The following DIAPH3 variants were observed in gnomAD, a reference collection of about 807,000 sequenced individuals.
DIAPH3 encodes diaphanous related formin 3, also known as protein diaphanous homolog 3.
DIAPH3 carries 117 observed loss-of-function variants against 144.3 expected under a neutral mutation model. The ratio of observed to expected loss-of-function variants is 0.81; its 90% CI spans 0.70 to 0.95. The LOEUF (loss-of-function observed/expected upper bound fraction) is 0.95. Ranked by LOEUF, DIAPH3 falls within the 40% of genes least tolerant of loss-of-function variation. The probability of loss-of-function intolerance (pLI) is 0.00; values close to 1 mark genes in which losing one functional copy is unlikely to be tolerated. For synonymous variants in DIAPH3, 519 were observed against 488.9 expected, an observed-to-expected ratio of 1.06 and a Z score of -0.81; for missense variants, 1,421 against 1,412.7, an observed-to-expected ratio of 1.01 and a Z score of -0.09.
intron 1 of DIAPH3, among the ~76,000 whole-genome samples, chr13:60,155,249 G>A (rs1340892097): frequency 2.0e-5 from 3 of 152,236 alleles, no homozygotes; most frequent in Admixed American, 6.5e-5. Context: ...CATAATTAAA[G>A]ACATGAGTCT....
chr13:59,856,845 A>G (rs985156566), intron 22 of DIAPH3, among the ~76,000 whole-genome samples: 3 of 152,014 alleles, frequency 2.0e-5, no homozygotes, highest in African/African-American at 7.3e-5. Context: ...TATCATAAAT[A>G]TTTCCACCAC....
At chr13:59,904,660 T>C (rs1269938532) in intron 20 of DIAPH3, among the ~76,000 whole-genome samples, 2 of 152,160 alleles carry the variant, frequency 1.3e-5, no homozygotes, top group African/African-American at 4.8e-5. Flanking sequence ...AAAAATCACA[T>C]CTCTATCGTT....
chr13:59,787,964 T>A (rs2039123930), intron 25 of DIAPH3, among the ~76,000 whole-genome samples: 1 of 152,224 alleles, frequency 6.6e-6, no homozygotes, highest in African/African-American at 2.4e-5. Context: ...GAACACTGAA[T>A]CTGCTGGCAT....
chr13:59,698,986 C>T (rs1441445434), intron 27 of DIAPH3, among the ~76,000 whole-genome samples: 1 of 152,092 alleles, frequency 6.6e-6, no homozygotes, highest in African/African-American at 2.4e-5. Context: ...CTTTAATACC[C>T]AATTATTAAT....
intron 27 of DIAPH3, among the ~76,000 whole-genome samples, chr13:59,753,075 C>T (rs1443469900): frequency 2.0e-5 from 3 of 152,178 alleles, no homozygotes; most frequent in Non-Finnish European, 2.9e-5. Flanking sequence ...TAAATACTAT[C>T]TGGATAGCTC....
Position 59,879,378 on chromosome 13 carries a change from T to C in DIAPH3, c.2458A>G (p.Ile820Val). ...TCGCAGGCAGTACTGACAGCCATGA[T>C]GTCAGGTTTGATGTTGTTCACCTGC... ...EEQVNNIKPDIMAVSTACEEI... is the reference protein window; with the variant it reads ...EEQVNNIKPDVMAVSTACEEI... The change falls in exon 21 of 28, where the codon ATC becomes GTC. Residue 820 changes from isoleucine to valine, a missense_variant. Transcript: ENST00000400324. 6.2e-7 allele frequency: 1 copy of C among 1,613,938 alleles called. No homozygotes were observed. Among genetic ancestry groups the C allele is most frequent in the Non-Finnish European group, 8.5e-7 (1 of 1,179,876 alleles).
chr13:59,730,416 CAAACA>C (rs2035840213), intron 27 of DIAPH3, among the ~76,000 whole-genome samples: 1 of 151,920 alleles, frequency 6.6e-6, no homozygotes, highest in African/African-American at 2.4e-5. Context: ...TACACAAGGG[CAAACA>C]AAACAAAAGG....
intron 27 of DIAPH3, among the ~76,000 whole-genome samples, chr13:59,735,256 C>A (rs1258610272): frequency 6.6e-6 from 1 of 152,020 alleles, no homozygotes; most frequent in East Asian, 1.9e-4. Context: ...ATTGGCAAAG[C>A]TATTAGTTGC....
chr13:59,789,432 T>C lies in DIAPH3; in HGVS notation c.3164-14609A>G, dbSNP rs569891887. 1.3e-4 allele frequency among the ~76,000 whole-genome samples: 20 copies of C among 152,334 alleles called. No homozygotes were observed. The South Asian group carries it at 4.1e-3, about 32-fold the overall frequency. ...TTTTAGATTTGTTTTAGTATTTTAT[T>C]AGTGAAGAATTGACTTTTCAATGGC... On this transcript the variant is annotated intron_variant, in intron 25 of 27. Transcript: ENST00000400324.
At chr13:59,757,919 C>A (rs2037371453) in intron 27 of DIAPH3, among the ~76,000 whole-genome samples, 1 of 152,090 alleles carries the variant, frequency 6.6e-6, no homozygotes. Context: ...ATTGAAAAAT[C>A]ATCACAAACA....
intron 27 of DIAPH3, among the ~76,000 whole-genome samples, chr13:59,716,915 G>T (rs1443699874): frequency 6.6e-6 from 1 of 151,914 alleles, no homozygotes; most frequent in African/African-American, 2.4e-5. Context: ...CTTTTGTGAT[G>T]ATTCTGTAAC....
rs1024416989 is a variant in DIAPH3, at chr13:59,970,833, C to T, written c.1959+19G>A. 2 of 1,596,688 alleles carry T rather than the reference C, an allele frequency of 1.3e-6. No individual in the cohort carries two copies. Among genetic ancestry groups the T allele is most frequent in the Non-Finnish European group, 8.6e-7 (1 of 1,168,990 alleles). Reference sequence around the variant, plus strand: ...TTTAGATCTAAGTAAAAGTATTTTCCTCTATTAATTTCTTTTACCTTTAAC... The same window carrying T: ...TTTAGATCTAAGTAAAAGTATTTTCTTCTATTAATTTCTTTTACCTTTAAC... On this transcript the variant is annotated intron_variant, in intron 16 of 27. Transcript: ENST00000400324.
chr13:59,738,092 G>T (rs2453866), intron 27 of DIAPH3, among the ~76,000 whole-genome samples: 2 of 151,958 alleles, frequency 1.3e-5, no homozygotes. Context: ...GCGTGAACCT[G>T]GTGAAGGGAG....
intron 1 of DIAPH3, among the ~76,000 whole-genome samples, chr13:60,142,601 GC>G (rs2059447813): frequency 6.6e-6 from 1 of 152,122 alleles, no homozygotes; most frequent in Non-Finnish European, 1.5e-5. Context: ...CCACACGTGT[GC>G]GAGTCCCAGC....
intron 20 of DIAPH3, among the ~76,000 whole-genome samples, chr13:59,902,623 A>T (rs532523853): frequency 2.0e-5 from 3 of 152,066 alleles, no homozygotes; most frequent in African/African-American, 7.2e-5. Context: ...AAAATTCAAT[A>T]AATTTAGCCA....
At chr13:59,957,720 C>T (rs540745356) in intron 17 of DIAPH3, among the ~76,000 whole-genome samples, 1 of 151,878 alleles carries the variant, frequency 6.6e-6, no homozygotes, top group Non-Finnish European at 1.5e-5. Flanking sequence ...ACAGAAGATA[C>T]AAAATGAAGT....
At chr13:59,831,687 G>T (rs1341319862) in intron 24 of DIAPH3, among the ~76,000 whole-genome samples, 3 of 151,780 alleles carry the variant, frequency 2.0e-5, no homozygotes, top group Non-Finnish European at 4.4e-5. Context: ...TATCTATATA[G>T]GTTGGCCCAA....
At chr13:59,908,892 A>G (rs1419039495) in intron 20 of DIAPH3, among the ~76,000 whole-genome samples, 1 of 152,130 alleles carries the variant, frequency 6.6e-6, no homozygotes, top group Non-Finnish European at 1.5e-5. Flanking sequence ...CTTTGGTCCT[A>G]TTTGGAGCTG....
intron 17 of DIAPH3, among the ~76,000 whole-genome samples, chr13:59,933,545 A>T (rs375265213): frequency 2.0e-5 from 3 of 152,040 alleles, no homozygotes; most frequent in Admixed American, 6.6e-5. Context: ...ATAACATGAA[A>T]CTCTGAATCA....
Sources: gnomAD v4.1 joint callset for allele counts (sites outside exome capture counted in the v4.1 genomes callset) on GRCh38, gnomAD v4.1.1 for gene constraint, MANE v1.5 for transcripts, NCBI Gene and HGNC (gene_info 2026-07-23, HGNC 2026-07-21) for gene names.